The following HUWE1 variants were observed in gnomAD, a reference collection of about 807,000 sequenced individuals.
HUWE1 encodes the protein HECT, UBA and WWE domain containing E3 ubiquitin protein ligase 1.
A neutral mutation model predicts 299.4 loss-of-function variants in HUWE1; 18 were observed. The observed-to-expected ratio is 0.06, with a 90% CI of 0.04 to 0.09. The LOEUF (loss-of-function observed/expected upper bound fraction) is 0.09, where lower values mean the gene tolerates loss of function less well. Among genes scored for constraint, HUWE1 ranks in the 10% least tolerant of loss-of-function variants. HUWE1 has a pLI of 1.00. For synonymous variants in HUWE1, 1,317 were observed against 1,286.1 expected, an observed-to-expected ratio of 1.02 and a Z score of -0.51; for missense variants, 1,832 against 3,462.3, an observed-to-expected ratio of 0.53 and a Z score of 11.82.
rs782213114 is a variant in HUWE1 at position 53,600,218 on chromosome X, G to A, written c.3063C>T (p.Pro1021=). ...AAGCAGTAGGTTCATCTGTCTCCATGGGAGCCAATGTGTCACCATCTAGCC... is the reference window on the plus strand; with the variant it reads ...AAGCAGTAGGTTCATCTGTCTCCATAGGAGCCAATGTGTCACCATCTAGCC... The part of the protein sequence containing the change: ...GIGLDGDTLA[P]METDEPTASD... The change falls in exon 29 of 84, where the codon CCC becomes CCT. Residue 1021 remains proline (P), a synonymous_variant. Coordinates refer to ENST00000262854, the MANE Select transcript of HUWE1 (RefSeq NM_031407.7). 2 of 1,205,888 alleles carry A rather than the reference G, an allele frequency of 1.7e-6. No individual in the cohort carries two copies. Among genetic ancestry groups the A allele is most frequent in the Non-Finnish European group, 1.1e-6 (1 of 891,401 alleles).
At chrX:53,641,022 C>T (rs2067553023) in intron 7 of HUWE1, among the ~76,000 whole-genome samples, 3 of 111,482 alleles carry the variant, frequency 2.7e-5, no homozygotes, top group African/African-American at 9.8e-5. Flanking sequence ...TTTTTAATGA[C>T]TTCTAGGTCT....
intron 11 of HUWE1, 68 bp downstream of exon 11, chrX:53,631,346 C>A (rs1230453675): frequency 4.7e-6 from 4 of 854,184 alleles, no homozygotes; most frequent in Non-Finnish European, 6.9e-6. Flanking sequence ...ATCTCCCACC[C>A]CAGTACATAT....
intron 19 of HUWE1, among the ~76,000 whole-genome samples, chrX:53,618,032 A>G (rs1365907965): frequency 8.9e-6 from 1 of 112,265 alleles, no homozygotes; most frequent in East Asian, 2.7e-4. Context: ...TTTTGACATT[A>G]TAATATTTTA....
intron 48 of HUWE1, 82 bp from the exon 49 acceptor site, chrX:53,568,956 C>A: frequency 1.2e-6 from 1 of 832,926 alleles, no homozygotes. Flanking sequence ...CCTCAGATAA[C>A]CCTCCTGTAA....
intron 19 of HUWE1, among the ~76,000 whole-genome samples, chrX:53,620,627 A>C (rs782043284): frequency 3.6e-5 from 4 of 111,803 alleles, no homozygotes; most frequent in Non-Finnish European, 7.5e-5. Flanking sequence ...TACTAAATGG[A>C]CAATGGTCTC....
Position 53,617,228 on chromosome X carries a change from A to C in HUWE1, c.1780-81T>G, listed in dbSNP as rs782214886. 9 of 1,024,551 alleles carry C rather than the reference A, an allele frequency of 8.8e-6. No homozygotes were observed. The Admixed American group carries it at 1.7e-4, about 19-fold the overall frequency. The allele number at this position is 1,024,551 out of a possible 1,213,427, so 84.4% of individuals were successfully genotyped here. ...AAATCCGGCCATGGGTATCAAGCTG[A>C]GATAGAAGGAATTTTGACAACCAGG... On this transcript the variant is annotated intron_variant, in intron 20 of 83. Coordinates refer to ENST00000262854, the MANE Select transcript of HUWE1 (RefSeq NM_031407.7).
Position 53,533,249 on chromosome X carries a change from T to G in HUWE1, c.*60A>C. On this transcript the variant is annotated 3_prime_UTR_variant, in exon 84 of 84. Coordinates refer to ENST00000262854, the MANE Select transcript of HUWE1 (RefSeq NM_031407.7). ...ATTTCTTTCTGGTTCTTTTTTTAAC[T>G]CCCCCCTCCCCAGGTCCAACAATGG... The G allele has an allele frequency of 2.8e-6, 2 of 711,426 alleles. No individual in the cohort carries two copies. Among genetic ancestry groups the G allele is most frequent in the Non-Finnish European group, 4.4e-6 (2 of 458,385 alleles). The allele number at this position is 711,426 out of a possible 1,213,427, so 58.6% of individuals were successfully genotyped here.
intron 31 of HUWE1, among the ~76,000 whole-genome samples, 154 bp downstream of exon 31, chrX:53,594,345 G>C (rs868935894): frequency 8.9e-6 from 1 of 111,915 alleles, no homozygotes; most frequent in African/African-American, 3.3e-5. Context: ...GACAAACATG[G>C]TTACTTCCCA....
intron 3 of HUWE1, among the ~76,000 whole-genome samples, chrX:53,669,813 T>C (rs2069426509): frequency 8.9e-6 from 1 of 112,317 alleles, no homozygotes; most frequent in Non-Finnish European, 1.9e-5. Flanking sequence ...TTCACACCAT[T>C]ACTTCAGCAT....
At chrX:53,535,792 C>T (rs892456148) in intron 80 of HUWE1, 44 of 384,894 alleles carry the variant, frequency 1.1e-4, no homozygotes, top group African/African-American at 9.9e-4. Context: ...ACATATGTAA[C>T]GGAATGTAAT....
intron 67 of HUWE1, 103 bp downstream of exon 67, chrX:53,548,856 A>T (rs1467711997): frequency 9.9e-6 from 7 of 705,581 alleles, no homozygotes; most frequent in Non-Finnish European, 1.5e-5. Context: ...AACACTTAAA[A>T]TAAGAGCAAA....
At chrX:53,557,574 G>C (rs1417855201) in intron 59 of HUWE1, 147 bp from the exon 60 acceptor site, 1 of 514,586 alleles carries the variant, frequency 1.9e-6, no homozygotes, top group Non-Finnish European at 3.4e-6. Flanking sequence ...AAAGGAAGGT[G>C]ATCATTTCAC....
chrX:53,600,961 G>A (rs782330190), intron 28 of HUWE1, among the ~76,000 whole-genome samples: 5 of 111,408 alleles, frequency 4.5e-5, no homozygotes, highest in Non-Finnish European at 7.5e-5. Context: ...TCAGTTCTTA[G>A]TCAATTTATT....
At chrX:53,642,022 C>A (rs2067625962) in intron 7 of HUWE1, among the ~76,000 whole-genome samples, 1 of 111,471 alleles carries the variant, frequency 9.0e-6, no homozygotes, top group African/African-American at 3.3e-5. Context: ...CACACACACA[C>A]ACATTTTTTC....
At chrX:53,592,348 C>T in intron 33 of HUWE1, 50 bp downstream of exon 33, 1 of 930,321 alleles carries the variant, frequency 1.1e-6, no homozygotes, top group Non-Finnish European at 1.6e-6. Flanking sequence ...AAGCATCACA[C>T]TCCATTGGGT....
At chrX:53,660,031 T>C (rs1557044588) in intron 3 of HUWE1, among the ~76,000 whole-genome samples, 1 of 111,959 alleles carries the variant, frequency 8.9e-6, no homozygotes, top group Non-Finnish European at 1.9e-5. Flanking sequence ...ACTATACTAG[T>C]CAAGTGTCTG....
rs1005819037 is a variant in HUWE1, at chrX:53,547,988, G to A, written c.10321C>T (p.Pro3441Ser). The change falls in exon 68 of 84, where the codon CCA (proline) becomes TCA (serine). Residue 3441 changes from proline to serine, a missense_variant. Physicochemically the swap from Pro to Ser is moderately conservative, Grantham distance 74. This residue lies in a region of HUWE1 where 119 missense variants were observed against 124.6 expected (regional missense o/e 0.96). Coordinates refer to ENST00000262854, the MANE Select transcript of HUWE1 (RefSeq NM_031407.7). ...LGQLMNMLSH[P>S]VIRRSSLLTE... ...AAGAGAGAGCTCCGGCGGATGACTGGGTGTGACAACATGTTCATGAGCTGC... is the reference window on the plus strand; with the variant it reads ...AAGAGAGAGCTCCGGCGGATGACTGAGTGTGACAACATGTTCATGAGCTGC... 1 of 1,211,549 alleles carries A rather than the reference G, an allele frequency of 8.3e-7. No individual in the cohort carries two copies. The highest frequency in any genetic ancestry group is 1.8e-5 in the South Asian group (1 of 56,902).
At chrX:53,584,066 G>A in intron 41 of HUWE1, 120 bp downstream of exon 41, 1 of 821,532 alleles carries the variant, frequency 1.2e-6, no homozygotes, top group Admixed American at 2.2e-5. Context: ...AAAAGCATAA[G>A]GGAGGCCTAC....
chrX:53,686,051 A>T (rs1187381821), intron 2 of HUWE1, among the ~76,000 whole-genome samples: 1 of 112,564 alleles, frequency 8.9e-6, no homozygotes, highest in African/African-American at 3.2e-5. Context: ...TCAGATTTTT[A>T]AACAAGCAGT....
Sources: allele counts gnomAD v4.1 joint callset (sites outside exome capture counted in the v4.1 genomes callset), GRCh38; gene constraint gnomAD v4.1.1; regional missense constraint gnomAD v4.1.1; transcripts MANE v1.5; gene names NCBI Gene and HGNC (gene_info 2026-07-23, HGNC 2026-07-21).